The following SEMA3C variants were observed in gnomAD, a reference collection of about 807,000 sequenced individuals.
SEMA3C encodes semaphorin 3C.
Under a neutral mutation model 89.4 loss-of-function variants are expected in SEMA3C, and 47 were observed. The observed-to-expected ratio is 0.53, with a 90% CI of 0.42 to 0.67. The LOEUF (loss-of-function observed/expected upper bound fraction) is 0.67. Among genes scored for constraint, SEMA3C ranks in the 30% least tolerant of loss-of-function variants. The pLI, the probability that SEMA3C is intolerant of heterozygous loss-of-function variation, is 0.00. For synonymous variants in SEMA3C, 310 were observed against 320.2 expected (o/e 0.97, Z 0.34); for missense variants, 839 against 929.1 (o/e 0.90, Z 1.26).
chr7:80,840,433 C>T (rs1465998988), intron 2 of SEMA3C, among the ~76,000 whole-genome samples: 1 of 145,782 alleles, frequency 6.9e-6, no homozygotes, highest in Non-Finnish European at 1.5e-5. Context: ...GTAGGAGGAT[C>T]ACTTGAGCAT....
chr7:80,785,768 C>T (rs969016714), intron 12 of SEMA3C, among the ~76,000 whole-genome samples: 3 of 152,078 alleles, frequency 2.0e-5, no homozygotes, highest in East Asian at 1.9e-4. Flanking sequence ...GCCACCATGC[C>T]GGGATAATTT....
chr7:80,755,435 T>G (rs1156432627), intron 15 of SEMA3C, among the ~76,000 whole-genome samples: 1 of 150,334 alleles, frequency 6.7e-6, no homozygotes, highest in Non-Finnish European at 1.5e-5. Context: ...GAAATATTAT[T>G]TGTTATACAA....
chr7:80,777,493 T>C (rs1173298310), intron 12 of SEMA3C, among the ~76,000 whole-genome samples: 2 of 152,172 alleles, frequency 1.3e-5, no homozygotes, highest in East Asian at 1.9e-4. Flanking sequence ...GGTTTTGCCA[T>C]GTTGGCCAGG....
At chr7:80,830,625 G>C (rs778097455) in intron 2 of SEMA3C, among the ~76,000 whole-genome samples, 1 of 152,106 alleles carries the variant, frequency 6.6e-6, no homozygotes, top group African/African-American at 2.4e-5. Context: ...TAAAATGTAA[G>C]ATCATGACAG....
At chr7:80,874,225 C>G (rs571319957) in intron 2 of SEMA3C, among the ~76,000 whole-genome samples, 118 of 152,216 alleles carry the variant, frequency 7.8e-4, no homozygotes, top group Non-Finnish European at 1.2e-3. Flanking sequence ...TCCTAACAAC[C>G]CCAACAAGAT....
chr7:80,864,454 G>A (rs1790879217), intron 2 of SEMA3C, among the ~76,000 whole-genome samples: 1 of 151,910 alleles, frequency 6.6e-6, no homozygotes, highest in African/African-American at 2.4e-5. Context: ...TTTCCTTAGA[G>A]TTTTTATTCA....
intron 17 of SEMA3C, among the ~76,000 whole-genome samples, chr7:80,746,039 C>CA (rs1348599121): frequency 3.9e-5 from 6 of 152,062 alleles, no homozygotes; most frequent in Non-Finnish European, 7.4e-5. Flanking sequence ...ATGCTTGAAA[C>CA]CTTCCTCACA....
At chr7:80,768,493 G>A (rs954680140) in intron 12 of SEMA3C, among the ~76,000 whole-genome samples, 2 of 149,720 alleles carry the variant, frequency 1.3e-5, no homozygotes, top group Non-Finnish European at 1.5e-5. Flanking sequence ...CAGCCTGGGC[G>A]ACAGAGCGAG....
At chr7:80,920,404 T>C (rs187829471), upstream of SEMA3C, among the ~76,000 whole-genome samples, 74 of 152,322 alleles carry the variant, frequency 4.9e-4, no homozygotes, top group African/African-American at 1.8e-3. Flanking sequence ...AATCATTAAA[T>C]TCTTATAAAC....
At position 80,789,322 on chromosome 7, in the gene SEMA3C, G is replaced by T; in HGVS notation, c.1338C>A (p.Val446=). Residue 446 remains valine, a synonymous_variant, in exon 12 of 18, where the codon GTC becomes GTA. Coordinates refer to ENST00000265361, the MANE Select transcript of SEMA3C (RefSeq NM_006379.5). ...AATATTTACCTGTTCCGAGAAACAG[G>T]ACATGGTATCTCCCATCAGCAGCGT... ...RVNAADGRYH[V]LFLGTDRGTV... 1 of 1,613,472 alleles carries T rather than the reference G, an allele frequency of 6.2e-7. No individual in the cohort carries two copies. The highest frequency in any genetic ancestry group is 1.3e-5 in the African/African-American group (1 of 74,998).
At chr7:80,904,326 C>T (rs1008153322) in intron 2 of SEMA3C, among the ~76,000 whole-genome samples, 4 of 152,192 alleles carry the variant, frequency 2.6e-5, no homozygotes, top group Admixed American at 6.5e-5. Flanking sequence ...CAGGCATGAG[C>T]CGTCACACCT....
At chr7:80,851,504 TAAA>T (rs35936052) in intron 2 of SEMA3C, among the ~76,000 whole-genome samples, 55 of 69,802 alleles carry the variant, frequency 7.9e-4, no homozygotes, top group African/African-American at 2.3e-3. Flanking sequence ...CTCTTGTCTT[TAAA>T]AAAAAAAAAA....
chr7:80,902,445 A>C (rs1791904224), intron 2 of SEMA3C, among the ~76,000 whole-genome samples: 1 of 152,188 alleles, frequency 6.6e-6, no homozygotes, highest in African/African-American at 2.4e-5. Flanking sequence ...ATATGTAGCT[A>C]TGTTTATAAG....
intron 2 of SEMA3C, among the ~76,000 whole-genome samples, chr7:80,895,825 G>T (rs1481349826): frequency 2.6e-5 from 4 of 151,802 alleles, no homozygotes; most frequent in Admixed American, 6.6e-5. Flanking sequence ...TCAATTTAGG[G>T]CTGTCTAAAG....
At chr7:80,745,998 G>T (rs1787791699) in intron 17 of SEMA3C, among the ~76,000 whole-genome samples, 1 of 152,000 alleles carries the variant, frequency 6.6e-6, no homozygotes, top group Admixed American at 6.6e-5. Flanking sequence ...GGTTTTACTG[G>T]AAAAAATGAT....
intron 5 of SEMA3C, among the ~76,000 whole-genome samples, chr7:80,813,406 G>A (rs1444847573): frequency 6.6e-6 from 1 of 152,094 alleles, no homozygotes; most frequent in Non-Finnish European, 1.5e-5. Flanking sequence ...TCAGGCCTTT[G>A]CCACTAAAGC....
At chr7:80,908,341 T>C (rs1244854242) in intron 2 of SEMA3C, among the ~76,000 whole-genome samples, 1 of 152,202 alleles carries the variant, frequency 6.6e-6, no homozygotes, top group East Asian at 1.9e-4. Flanking sequence ...CTTGGTGTAC[T>C]TCACACAGTT....
At chr7:80,905,175 ATTT>A (rs777783617) in intron 2 of SEMA3C, among the ~76,000 whole-genome samples, 2 of 123,544 alleles carry the variant, frequency 1.6e-5, no homozygotes. Context: ...AATTATGGCC[ATTT>A]TTTTTTTTTT....
At position 80,758,480 on chromosome 7, in the gene SEMA3C, C is replaced by T; in HGVS notation, c.1494G>A (p.Leu498=). 6.2e-7 allele frequency: 1 copy of T among 1,613,474 alleles called. No individual in the cohort carries two copies. Among genetic ancestry groups the T allele is most frequent in the Non-Finnish European group, 8.5e-7 (1 of 1,179,624 alleles). The change falls in exon 15 of 18, where the codon TTG becomes TTA. Residue 498 remains leucine, a synonymous_variant. Coordinates refer to ENST00000265361, the MANE Select transcript of SEMA3C (RefSeq NM_006379.5). ...TMKISSKKQQ[L]YVSSNEGVSQ... ...AAACCCCTTCATTGGAACTCACATA[C>T]AACTGTTGCTATTAAAGGAATGATG...
Sources: gnomAD v4.1 joint callset for allele counts (sites outside exome capture counted in the v4.1 genomes callset) on GRCh38, gnomAD v4.1.1 for gene constraint, MANE v1.5 for transcripts, NCBI Gene and HGNC (gene_info 2026-07-23, HGNC 2026-07-21) for gene names.